STK3: variants seen among roughly 807,000 people sequenced by gnomAD.
The protein encoded by STK3 is serine/threonine-protein kinase 3.
STK3 carries 41 observed loss-of-function variants against 58.0 expected under a neutral mutation model. That is an observed-to-expected ratio of 0.71 (90% CI 0.55 to 0.92). The LOEUF is 0.92. Ranked by LOEUF, STK3 falls within the 40% of genes least tolerant of loss-of-function variation. The pLI is 0.00. For synonymous variants in STK3, 170 were observed against 191.0 expected, an observed-to-expected ratio of 0.89 and a Z score of 0.91; for missense variants, 479 against 602.7, an observed-to-expected ratio of 0.79 and a Z score of 2.15.
intron 2 of STK3, among the ~76,000 whole-genome samples, chr8:98,371,932 T>C (rs1372001148): frequency 6.6e-6 from 1 of 152,100 alleles, no homozygotes; most frequent in East Asian, 1.9e-4. Flanking sequence ...GGAAATATGG[T>C]CTTTGCAGAT....
intron 1 of STK3, among the ~76,000 whole-genome samples, chr8:98,935,092 A>G (rs1840148575): frequency 6.6e-6 from 1 of 151,514 alleles, no homozygotes; most frequent in Admixed American, 6.6e-5. Flanking sequence ...AGTAAAGACT[A>G]CATTTCCTAG....
intron 6 of STK3, among the ~76,000 whole-genome samples, chr8:98,677,442 CT>C (rs900462836): frequency 6.0e-5 from 9 of 149,228 alleles, no homozygotes; most frequent in African/African-American, 2.0e-4. Flanking sequence ...CTGAATTACA[CT>C]CCTGAAAGTT....
intron 1 of STK3, among the ~76,000 whole-genome samples, chr8:98,924,395 G>A (rs1839705052): frequency 6.6e-6 from 1 of 152,202 alleles, no homozygotes; most frequent in South Asian, 2.1e-4. Flanking sequence ...GTGTAAGCAG[G>A]CAGCCCTGGG....
intron 1 of STK3, among the ~76,000 whole-genome samples, chr8:98,934,076 G>A (rs747089776): frequency 6.6e-6 from 1 of 152,078 alleles, no homozygotes; most frequent in Non-Finnish European, 1.5e-5. Context: ...ATTTTTTTCT[G>A]CAGCCTCTGA....
At chr8:98,597,992 G>C in intron 6 of STK3, 4 of 985,304 alleles carry the variant, frequency 4.1e-6, no homozygotes, top group Non-Finnish European at 4.8e-6. Context: ...GCTGGAAAAG[G>C]CACACAAAAC....
At chr8:98,712,108 T>C (rs964161078) in intron 4 of STK3, among the ~76,000 whole-genome samples, 4 of 152,162 alleles carry the variant, frequency 2.6e-5, no homozygotes, top group African/African-American at 9.7e-5. Context: ...CCACCAGGCC[T>C]GCCCTAAAAG....
Position 98,767,371 on chromosome 8 carries a change from C to A in STK3, c.108G>T (p.Gly36=). 6.3e-7 allele frequency: 1 copy of A among 1,591,324 alleles called. No individual in the cohort carries two copies. The highest frequency in any genetic ancestry group is 1.9e-5 in the Admixed American group (1 of 52,898). ...TTGCTTTAAATACACTTCCATAAGACCTAAAAGAAACCAAGACATTATTTT... is the reference window on the plus strand; with the variant it reads ...TTGCTTTAAATACACTTCCATAAGAACTAAAAGAAACCAAGACATTATTTT... ...VFDVLEKLGE[G]SYGSVFKAIH... The change falls in exon 3 of 11, where the codon GGG becomes GGT. Residue 36 remains glycine, a splice_region_variant and synonymous_variant. Transcript: ENST00000419617.
At chr8:98,693,617 G>A (rs559072478) in intron 6 of STK3, among the ~76,000 whole-genome samples, 3 of 152,272 alleles carry the variant, frequency 2.0e-5, no homozygotes, top group African/African-American at 2.4e-5. Context: ...CAGGCTAAAT[G>A]AAGATACTCC....
chr8:98,867,576 A>T (rs1396856500), intron 3 of STK3, among the ~76,000 whole-genome samples: 1 of 152,138 alleles, frequency 6.6e-6, no homozygotes, highest in Non-Finnish European at 1.5e-5. Flanking sequence ...GCATGGAAAA[A>T]AAAAAAGCTG....
intron 10 of STK3, among the ~76,000 whole-genome samples, chr8:98,474,654 C>T (rs1307314872): frequency 6.6e-6 from 1 of 152,212 alleles, no homozygotes; most frequent in East Asian, 1.9e-4. Flanking sequence ...TCCTTTCCCT[C>T]ATCTCTGCCT....
At chr8:98,542,709 T>C (rs1367705051) in intron 9 of STK3, among the ~76,000 whole-genome samples, 1 of 152,196 alleles carries the variant, frequency 6.6e-6, no homozygotes, top group Non-Finnish European at 1.5e-5. Flanking sequence ...GATAAATTAA[T>C]AGGGTGGACA....
chr8:98,731,963 T>TA (rs1828241449), intron 4 of STK3, among the ~76,000 whole-genome samples: 1 of 152,078 alleles, frequency 6.6e-6, no homozygotes, highest in African/African-American at 2.4e-5. Context: ...AGCATTTATT[T>TA]AAAAAACGTA....
At chr8:98,774,261 C>T (rs1001496772) in intron 2 of STK3, among the ~76,000 whole-genome samples, 1 of 152,138 alleles carries the variant, frequency 6.6e-6, no homozygotes, top group Non-Finnish European at 1.5e-5. Context: ...CAAACCGGCA[C>T]GTTTCTCTAC....
chr8:98,357,112 T>A, the STK3 span, among the ~76,000 whole-genome samples: 1 of 152,328 alleles, frequency 6.6e-6, no homozygotes, highest in South Asian at 2.1e-4. Flanking sequence ...TTTTCCTTCA[T>A]GCCCTGAGCT....
intron 10 of STK3, among the ~76,000 whole-genome samples, chr8:98,467,771 C>T (rs1482977255): frequency 1.3e-5 from 2 of 152,184 alleles, no homozygotes; most frequent in African/African-American, 4.8e-5. Context: ...AATGGCTTCT[C>T]TCAAAAAATT....
upstream of STK3, among the ~76,000 whole-genome samples, chr8:98,825,966 T>G (rs1835275730): frequency 6.8e-6 from 1 of 147,726 alleles, no homozygotes; most frequent in Non-Finnish European, 1.5e-5. Flanking sequence ...GCGGCCTGGG[T>G]TGGCGGGCGG....
At chr8:98,901,776 A>G (rs1838666372) in intron 1 of STK3, among the ~76,000 whole-genome samples, 1 of 152,228 alleles carries the variant, frequency 6.6e-6, no homozygotes, top group Non-Finnish European at 1.5e-5. Context: ...AGAGCTTCTC[A>G]GTTGTCTGAA....
chr8:98,349,291 G>A, the STK3 span, among the ~76,000 whole-genome samples: 1 of 152,226 alleles, frequency 6.6e-6, no homozygotes, highest in Non-Finnish European at 1.5e-5. Flanking sequence ...GTAGGGCAGT[G>A]AAACTACTCT....
intron 4 of STK3, among the ~76,000 whole-genome samples, chr8:98,708,810 T>C (rs1826161834): frequency 6.6e-6 from 1 of 152,012 alleles, no homozygotes; most frequent in Non-Finnish European, 1.5e-5. Context: ...TATTTTATCT[T>C]TGTTTTCTCA....
Sources: gnomAD v4.1 joint callset for allele counts (sites outside exome capture counted in the v4.1 genomes callset) on GRCh38, gnomAD v4.1.1 for gene constraint, MANE v1.5 for transcripts, NCBI Gene and HGNC (gene_info 2026-07-23, HGNC 2026-07-21) for gene names.